Variants in KCNMA1 observed in about 807,000 individuals in gnomAD.
KCNMA1 encodes the protein potassium calcium-activated channel subfamily M alpha 1, also known as Calcium-activated potassium channel subunit alpha-1.
Under a neutral mutation model 140.0 loss-of-function variants are expected in KCNMA1, and 29 were observed. The observed-to-expected ratio is 0.21, with a 90% CI of 0.15 to 0.28. The LOEUF is 0.28. Ranked by LOEUF, KCNMA1 falls within the 10% of genes least tolerant of loss-of-function variation. The probability of loss-of-function intolerance (pLI) is 1.00; values close to 1 mark genes in which losing one functional copy is unlikely to be tolerated. For synonymous variants in KCNMA1, 612 were observed against 611.9 expected (o/e 1.00, Z 0.00); for missense variants, 880 against 1,602.2 (o/e 0.55, Z 7.70).
At chr10:77,634,425 G>A in intron 1 of KCNMA1, 1 of 985,446 alleles carries the variant, frequency 1.0e-6, no homozygotes, top group Non-Finnish European at 1.2e-6. Context: ...TACTAATGAA[G>A]AGATGTCCCA....
intron 2 of KCNMA1, among the ~76,000 whole-genome samples, chr10:77,291,290 G>A (rs147340327): frequency 1.1e-4 from 16 of 152,228 alleles, no homozygotes; most frequent in South Asian, 4.2e-4. Context: ...ATGTACTTAC[G>A]GAACTTTGAT....
rs542006776 is a variant in KCNMA1 at position 76,936,818 on chromosome 10, A to C, written c.2902+7955T>G. On this transcript the variant is annotated intron_variant, in intron 23 of 27. Transcript: ENST00000286628. ...GGTCTGTCCAATTAATGGAAAAGCCAGATCTGCAGCTGCTCACCCCAATGC... is the reference window on the plus strand; with the variant it reads ...GGTCTGTCCAATTAATGGAAAAGCCCGATCTGCAGCTGCTCACCCCAATGC... Among the ~76,000 whole-genome samples the C allele has an allele frequency of 2.6e-4, 39 of 152,276 alleles. No individual in the cohort carries two copies. The South Asian group carries it at 6.8e-3, about 27-fold the overall frequency.
intron 2 of KCNMA1, among the ~76,000 whole-genome samples, chr10:77,335,791 G>A (rs1040816919): frequency 6.6e-6 from 1 of 152,182 alleles, no homozygotes; most frequent in African/African-American, 2.4e-5. Context: ...GGCTCTAGGA[G>A]GTTAAGCAAC....
intron 9 of KCNMA1, chr10:77,091,788 G>T (rs1223998113): frequency 1.3e-5 from 2 of 152,208 alleles, no homozygotes; most frequent in Non-Finnish European, 2.9e-5. Flanking sequence ...CTCATAATAG[G>T]AGGCAGTGAT....
chr10:77,090,254 C>T lies in KCNMA1; in HGVS notation c.1334+146G>A, dbSNP rs12251114. 4,085 of 717,666 alleles carry T rather than the reference C, an allele frequency of 5.7e-3. 129 individuals carry two copies. The African/African-American group carries it at 0.06, about 11-fold the overall frequency. The allele number at this position is 717,666 out of a possible 1,614,324, so 44.5% of individuals were successfully genotyped here. On this transcript the variant is annotated intron_variant, in intron 10 of 27. Transcript: ENST00000286628. ...ATTGGTTCTGCAATATCTTCTCCAA[C>T]GAGGCCAAAAGGGATCATGGCTTAC...
intron 3 of KCNMA1, among the ~76,000 whole-genome samples, chr10:77,226,317 G>A (rs2051385759): frequency 6.6e-6 from 1 of 151,934 alleles, no homozygotes; most frequent in Non-Finnish European, 1.5e-5. Flanking sequence ...CATCCCTTTA[G>A]CCTACCTATT....
chr10:76,944,785 C>G lies in KCNMA1; in HGVS notation c.2890G>C (p.Ala964Pro). 6.2e-7 allele frequency: 1 copy of G among 1,614,082 alleles called. No homozygotes were observed. The highest frequency in any genetic ancestry group is 8.5e-7 in the Non-Finnish European group (1 of 1,179,990). The part of the protein sequence containing the change: ...QFDDSIGVLQ[A>P]NSQGFTPPGM... ...AGGCTGTCCTTACCTTGGGAATTAGCCTGCAAGACTCCGATGCTGTCATCA... is the reference window on the plus strand; with the variant it reads ...AGGCTGTCCTTACCTTGGGAATTAGGCTGCAAGACTCCGATGCTGTCATCA... Residue 964 changes from alanine (A) to proline (P), a missense_variant, in exon 23 of 28, where the codon GCT (alanine) becomes CCT (proline). Ala to Pro is a conservative substitution (Grantham distance 27). This residue lies in a region of KCNMA1 where 44 missense variants were observed against 58.2 expected (regional missense o/e 0.76). Transcript: ENST00000286628.
intron 1 of KCNMA1, among the ~76,000 whole-genome samples, chr10:77,445,414 A>G (rs141817619): frequency 9.0e-4 from 137 of 152,082 alleles, no homozygotes; most frequent in African/African-American, 3.2e-3. Context: ...AATAAAAAAA[A>G]TCTTGCAATT....
At chr10:76,947,657 T>C (rs544022616) in intron 22 of KCNMA1, among the ~76,000 whole-genome samples, 152 of 152,334 alleles carry the variant, frequency 1.0e-3, no homozygotes, top group African/African-American at 3.7e-3. Flanking sequence ...TGTTTGTCTA[T>C]AGGTGACTAT....
At chr10:77,420,826 C>G (rs2096851217) in intron 1 of KCNMA1, among the ~76,000 whole-genome samples, 1 of 152,202 alleles carries the variant, frequency 6.6e-6, no homozygotes, top group Non-Finnish European at 1.5e-5. Flanking sequence ...ACCCACTTCT[C>G]TCCATCTCAG....
intron 2 of KCNMA1, among the ~76,000 whole-genome samples, chr10:77,315,300 C>T (rs1283598728): frequency 6.6e-6 from 1 of 152,214 alleles, no homozygotes; most frequent in East Asian, 1.9e-4. Context: ...GTCACAGTTT[C>T]CTGCCTGTCT....
At chr10:76,911,566 T>C (rs150305179) in intron 24 of KCNMA1, 11 of 152,348 alleles carry the variant, frequency 7.2e-5, no homozygotes, top group African/African-American at 2.4e-4. Context: ...AGGAGGCTCA[T>C]ACGAATGGGA....
At chr10:77,635,743 G>C (rs1427412615) in intron 1 of KCNMA1, 2 of 152,228 alleles carry the variant, frequency 1.3e-5, no homozygotes, top group Non-Finnish European at 2.9e-5. Flanking sequence ...AAAACTCTCC[G>C]ACCAGCACCT....
At chr10:77,189,522 G>T (rs1390805029) in intron 3 of KCNMA1, among the ~76,000 whole-genome samples, 1 of 152,120 alleles carries the variant, frequency 6.6e-6, no homozygotes, top group African/African-American at 2.4e-5. Flanking sequence ...AAGGAAAAAT[G>T]ATGAAGTACA....
intron 5 of KCNMA1, among the ~76,000 whole-genome samples, chr10:77,156,471 C>A (rs867548948): frequency 1.3e-5 from 2 of 152,144 alleles, no homozygotes; most frequent in African/African-American, 2.4e-5. Flanking sequence ...TCCAAGCTAC[C>A]CTTAGTCATT....
At chr10:76,933,364 A>G (rs1355684669) in intron 23 of KCNMA1, among the ~76,000 whole-genome samples, 3 of 152,216 alleles carry the variant, frequency 2.0e-5, no homozygotes, top group African/African-American at 7.2e-5. Flanking sequence ...GTTGGCGAGC[A>G]TGAAGAGGTC....
intron 20 of KCNMA1, among the ~76,000 whole-genome samples, chr10:76,960,076 C>G (rs1333833794): frequency 1.3e-5 from 2 of 152,156 alleles, no homozygotes; most frequent in East Asian, 1.9e-4. Flanking sequence ...TCAAAACACC[C>G]CAAGTTGCAG....
rs1029954246 is a variant in KCNMA1, at chr10:77,636,100, T to C, written c.378+1165A>G. ...TGGAGGCTGCAATGTGTATCTACCCTGCACTATTCCCCTGGATTTCCCTTC... is the reference window on the plus strand; with the variant it reads ...TGGAGGCTGCAATGTGTATCTACCCCGCACTATTCCCCTGGATTTCCCTTC... On this transcript the variant is annotated intron_variant, in intron 1 of 27. Coordinates refer to ENST00000286628, the MANE Select transcript of KCNMA1 (RefSeq NM_001161352.2). 7 of 756,954 alleles carry C rather than the reference T, an allele frequency of 9.2e-6. No homozygotes were observed. The Admixed American group carries it at 1.4e-4, about 15-fold the overall frequency. The allele number at this position is 756,954 out of a possible 1,614,324, so 46.9% of individuals were successfully genotyped here. A position where few individuals can be genotyped will look rare whatever the true frequency, so the allele number is the denominator to read the frequency against.
At chr10:77,405,942 C>G (rs997960747) in intron 1 of KCNMA1, among the ~76,000 whole-genome samples, 2 of 152,224 alleles carry the variant, frequency 1.3e-5, no homozygotes, top group African/African-American at 4.8e-5. Context: ...GCTTCTCTCC[C>G]TCTGGCTGCC....
Sources: gnomAD v4.1 joint callset for allele counts (sites outside exome capture counted in the v4.1 genomes callset) on GRCh38, gnomAD v4.1.1 for gene constraint, gnomAD v4.1.1 regional missense constraint, MANE v1.5 for transcripts, NCBI Gene and HGNC (gene_info 2026-07-23, HGNC 2026-07-21) for gene names.